PCDH15: variants seen among roughly 807,000 people sequenced by gnomAD.
PCDH15 encodes protocadherin-15.
PCDH15 carries 129 observed loss-of-function variants against 178.5 expected under a neutral mutation model. The observed-to-expected ratio is 0.72, with a 90% CI of 0.63 to 0.84. The LOEUF (loss-of-function observed/expected upper bound fraction) is 0.84. Ranked by LOEUF, PCDH15 falls within the 40% of genes least tolerant of loss-of-function variation. The pLI is 0.00. For missense variants in PCDH15, 2,230 were observed against 2,099.9 expected, an observed-to-expected ratio of 1.06 and a Z score of -1.21; for synonymous variants, 800 against 732.0, an observed-to-expected ratio of 1.09 and a Z score of -1.50.
intron 8 of PCDH15, among the ~76,000 whole-genome samples, chr10:54,262,578 C>T (rs2057391363): frequency 6.6e-6 from 1 of 152,090 alleles, no homozygotes; most frequent in African/African-American, 2.4e-5. Flanking sequence ...GAGCTCAGTC[C>T]CGTGAGCCCA....
intron 18 of PCDH15, among the ~76,000 whole-genome samples, chr10:54,032,316 T>G (rs1287538910): frequency 3.9e-5 from 6 of 152,026 alleles, no homozygotes; most frequent in Non-Finnish European, 8.8e-5. Context: ...TGTATGTTTC[T>G]TTACCACATG....
chr10:54,905,954 A>G (rs1477405641), intron 2 of PCDH15, among the ~76,000 whole-genome samples: 1 of 152,094 alleles, frequency 6.6e-6, no homozygotes, highest in African/African-American at 2.4e-5. Context: ...AAATTGGTTA[A>G]TCTCATTTGG....
intron 25 of PCDH15, 129 bp downstream of exon 25, chr10:53,938,686 C>T: frequency 1.0e-6 from 1 of 982,072 alleles, no homozygotes; most frequent in Non-Finnish European, 1.5e-6. Context: ...AATAGGCAAT[C>T]ATCTCAGAGT....
chr10:55,387,006 A>G (rs1224129276), intron 2 of PCDH15, among the ~76,000 whole-genome samples: 2 of 152,154 alleles, frequency 1.3e-5, no homozygotes, highest in African/African-American at 4.8e-5. Context: ...ACTATTAACA[A>G]TAACATATCT....
intron 1 of PCDH15, among the ~76,000 whole-genome samples, chr10:55,200,878 A>T (rs1213535100): frequency 1.3e-5 from 2 of 152,018 alleles, no homozygotes; most frequent in Non-Finnish European, 2.9e-5. Flanking sequence ...CATGATTATA[A>T]GTTTCCTGAA....
intron 2 of PCDH15, among the ~76,000 whole-genome samples, chr10:55,420,417 A>C (rs184864973): frequency 6.6e-6 from 1 of 151,656 alleles, no homozygotes; most frequent in Non-Finnish European, 1.5e-5. Context: ...AACTCTCAGT[A>C]AGCTGAATTT....
intron 33 of PCDH15, 81 bp downstream of exon 33, chr10:53,820,084 T>C (rs922889496): frequency 7.6e-6 from 3 of 396,048 alleles, no homozygotes; most frequent in African/African-American, 4.1e-5. Flanking sequence ...AAATTATAAA[T>C]TTTACATTTG....
intron 11 of PCDH15, among the ~76,000 whole-genome samples, chr10:54,187,450 T>C (rs949710584): frequency 1.3e-5 from 2 of 151,932 alleles, no homozygotes; most frequent in Admixed American, 6.6e-5. Flanking sequence ...ACTTACTTTT[T>C]ACCACTTTCA....
Position 53,840,314 on chromosome 10 carries a change from A to C in PCDH15, c.3983+6T>G, listed in dbSNP as rs2077564204. 6.2e-7 allele frequency: 1 copy of C among 1,613,510 alleles called. No individual in the cohort carries two copies. Among genetic ancestry groups the C allele is most frequent in the African/African-American group, 1.3e-5 (1 of 74,918 alleles). On this transcript the variant is annotated splice_donor_region_variant and intron_variant, in intron 29 of 37. Transcript: ENST00000644397. ...AGAGCTGTTACAGATAACAAAAAGCACTTACTTAAAAAGCTCATTTCTATC... is the reference window on the plus strand; with the variant it reads ...AGAGCTGTTACAGATAACAAAAAGCCCTTACTTAAAAAGCTCATTTCTATC...
At chr10:54,075,539 G>C (rs1394669444) in intron 17 of PCDH15, among the ~76,000 whole-genome samples, 12 of 151,692 alleles carry the variant, frequency 7.9e-5, no homozygotes. Flanking sequence ...TGTTGTTGTT[G>C]TCTGTGTCTT....
At chr10:55,171,887 A>G (rs1401779757) in intron 1 of PCDH15, among the ~76,000 whole-genome samples, 1 of 148,340 alleles carries the variant, frequency 6.7e-6, no homozygotes, top group Non-Finnish European at 1.5e-5. Flanking sequence ...CAATGTTCAC[A>G]TCAGCAGTAT....
In PCDH15 at chr10:54,207,364, TTGTGTGTGTGTGTATGTGTGTGTGTG is replaced by T. The variant is rs1291811617; in HGVS notation, c.1098+6546_1098+6571del. 8.0e-5 allele frequency among the ~76,000 whole-genome samples: 7 copies of T among 87,584 alleles called. No homozygotes were observed. The East Asian group carries it at 1.2e-3, about 15-fold the overall frequency. 57.5% of individuals were successfully genotyped at this position (87,584 alleles called of 152,430 possible). A position where few individuals can be genotyped will look rare whatever the true frequency, so the allele number is the denominator to read the frequency against. On this transcript the variant is annotated intron_variant, in intron 10 of 37. Transcript: ENST00000644397. ...GAAGAAACACAAATACTGTTTTGTT[TTGTGTGTGTGTGTATGTGTGTGTGTG>T]TGTGTGTGTGTGTGTGTGTTTTGGT...
chr10:55,021,019 A>G (rs184838659), intron 2 of PCDH15, among the ~76,000 whole-genome samples: 2 of 152,284 alleles, frequency 1.3e-5, no homozygotes, highest in African/African-American at 4.8e-5. Context: ...ATTTCTCAAT[A>G]TCCCACCATT....
At chr10:54,997,253 G>A (rs2131924899) in intron 2 of PCDH15, among the ~76,000 whole-genome samples, 1 of 152,248 alleles carries the variant, frequency 6.6e-6, no homozygotes, top group South Asian at 2.1e-4. Context: ...GTTGCTATCT[G>A]ATGGCGAGAG....
chr10:54,292,686 G>T (rs767662824), intron 8 of PCDH15, among the ~76,000 whole-genome samples: 1 of 151,940 alleles, frequency 6.6e-6, no homozygotes, highest in Non-Finnish European at 1.5e-5. Flanking sequence ...AACAGACAGA[G>T]AGCCAAATCA....
At chr10:55,259,615 G>C (rs548398185) in intron 1 of PCDH15, among the ~76,000 whole-genome samples, 1 of 152,176 alleles carries the variant, frequency 6.6e-6, no homozygotes, top group African/African-American at 2.4e-5. Context: ...TTTAAAAATA[G>C]TTTAGCTAGG....
chr10:54,506,077 C>T (rs1046338872), intron 3 of PCDH15, among the ~76,000 whole-genome samples: 2 of 152,028 alleles, frequency 1.3e-5, no homozygotes, highest in Non-Finnish European at 2.9e-5. Context: ...TTGCATTGTC[C>T]ATCACAGTAT....
chr10:55,234,204 G>T (rs941817970), intron 1 of PCDH15, among the ~76,000 whole-genome samples: 7 of 151,966 alleles, frequency 4.6e-5, no homozygotes, highest in African/African-American at 1.7e-4. Flanking sequence ...AGTGTAATAG[G>T]ATTCCACAAT....
At chr10:55,624,951 G>C (rs1311669269) in intron 2 of PCDH15, among the ~76,000 whole-genome samples, 2 of 152,038 alleles carry the variant, frequency 1.3e-5, no homozygotes, top group African/African-American at 4.8e-5. Flanking sequence ...CTTTCTCTTT[G>C]TGTAATTTCG....
Sources: gnomAD v4.1 joint callset for allele counts (sites outside exome capture counted in the v4.1 genomes callset) on GRCh38, gnomAD v4.1.1 for gene constraint, MANE v1.5 for transcripts, NCBI Gene and HGNC (gene_info 2026-07-23, HGNC 2026-07-21) for gene names.